GYPE: variants seen among roughly 807,000 people sequenced by gnomAD.
The protein encoded by GYPE is glycophorin-E.
A neutral mutation model predicts 11.6 loss-of-function variants in GYPE; 8 were observed. The observed-to-expected ratio is 0.69, with a 90% confidence interval of 0.41 to 1.25. The LOEUF (loss-of-function observed/expected upper bound fraction) is 1.25. GYPE is among the 50% of genes most tolerant of loss of function. The pLI, the probability that GYPE is intolerant of heterozygous loss-of-function variation, is 0.01. For missense variants in GYPE, 90 were observed against 92.8 expected (o/e 0.97, Z 0.12); for synonymous variants, 28 against 29.6 (o/e 0.94, Z 0.18).
chr4:143,875,849 C>T (rs368989223), intron 3 of GYPE, among the ~76,000 whole-genome samples: 13 of 152,132 alleles, frequency 8.5e-5, no homozygotes, highest in East Asian at 5.8e-4. Context: ...TGGCCCGCAC[C>T]TGTAGTCCCA....
chr4:143,874,872 G>A (rs191444377), intron 3 of GYPE, among the ~76,000 whole-genome samples: 2 of 152,220 alleles, frequency 1.3e-5, no homozygotes, highest in Non-Finnish European at 2.9e-5. Context: ...TCCTACCCCT[G>A]TGCCTGTCAT....
At chr4:143,878,608 G>A (rs1445774406) in intron 2 of GYPE, 2 of 468,876 alleles carry the variant, frequency 4.3e-6, no homozygotes, top group Non-Finnish European at 8.8e-6. Context: ...AAAATGGAAT[G>A]ATTTTGATTC....
intron 1 of GYPE, among the ~76,000 whole-genome samples, chr4:143,889,631 A>C (rs1744329275): frequency 6.6e-6 from 1 of 152,204 alleles, no homozygotes; most frequent in African/African-American, 2.4e-5. Context: ...TCTACTGAGC[A>C]ACTGGGACTA....
At chr4:143,880,076 G>A (rs1447818967) in intron 2 of GYPE, among the ~76,000 whole-genome samples, 15 of 152,270 alleles carry the variant, frequency 9.9e-5, no homozygotes, top group African/African-American at 1.4e-4. Context: ...AGCTGAGCCC[G>A]GGTCTGAGCT....
At chr4:143,902,787 A>C (rs922537467) in intron 1 of GYPE, among the ~76,000 whole-genome samples, 10 of 152,154 alleles carry the variant, frequency 6.6e-5, no homozygotes, top group South Asian at 2.1e-4. Flanking sequence ...TGTTTCCTCC[A>C]ATTAAATTAG....
At chr4:143,883,562 A>T (rs1488717900) in intron 1 of GYPE, among the ~76,000 whole-genome samples, 1 of 144,544 alleles carries the variant, frequency 6.9e-6, no homozygotes, top group Admixed American at 6.9e-5. Flanking sequence ...ATTTATAATT[A>T]TTAATAACAT....
At chr4:143,895,073 G>C (rs1188095083) in intron 1 of GYPE, among the ~76,000 whole-genome samples, 2 of 152,140 alleles carry the variant, frequency 1.3e-5, no homozygotes, top group Non-Finnish European at 2.9e-5. Flanking sequence ...AAAACTGGAA[G>C]CATTCCCTTT....
rs1323580330 is a variant in GYPE at position 143,871,712 on chromosome 4, C to T, written c.*550G>A. 6.6e-6 allele frequency: 1 copy of T among 152,118 alleles called. No individual in the cohort carries two copies. The highest frequency in any genetic ancestry group is 2.4e-5 in the African/African-American group (1 of 41,398). The allele number at this position is 152,118 out of a possible 1,614,324, so 9.4% of individuals were successfully genotyped here. On this transcript the variant is annotated 3_prime_UTR_variant, in exon 4 of 4. Transcript: ENST00000358615. ...GAAAAGCTTACAAAGACTGTAAATG[C>T]CTTCAAGAAGGTGAGAGAAACTAAT...
At chr4:143,876,697 G>C (rs937942852) in intron 3 of GYPE, 49 bp downstream of exon 3, 6 of 887,118 alleles carry the variant, frequency 6.8e-6, no homozygotes, top group Non-Finnish European at 1.1e-5. Context: ...AACCCTCCGA[G>C]AGCTGTTCAC....
intron 1 of GYPE, among the ~76,000 whole-genome samples, chr4:143,900,352 A>G (rs1357410312): frequency 3.2e-5 from 4 of 125,374 alleles, no homozygotes; most frequent in Middle Eastern, 3.5e-3. Context: ...GAAAAGGTCA[A>G]AAGGTGCAGC....
rs1185999546 is a variant in GYPE at position 143,891,331 on chromosome 4, T to C, written c.38-10822A>G. Among the ~76,000 whole-genome samples the C allele has an allele frequency of 1.0e-3, 140 of 136,534 alleles. 1 individual carries two copies. Among genetic ancestry groups the C allele is most frequent in the African/African-American group, 4.2e-3 (136 of 32,624 alleles). The allele number at this position is 136,534 out of a possible 152,430, so 89.6% of individuals were successfully genotyped here. On this transcript the variant is annotated intron_variant, in intron 1 of 3. Transcript: ENST00000358615. ...TATTATTTTGATTTTTTTTGTTTCT[T>C]TTTTTTTTTTTTTTTGAGACAGAGG...
chr4:143,870,988 G>C lies in GYPE; in HGVS notation c.*1274C>G, dbSNP rs982712967. On this transcript the variant is annotated 3_prime_UTR_variant, in exon 4 of 4. Coordinates refer to ENST00000358615, the MANE Select transcript of GYPE (RefSeq NM_198682.3). ...ATCTTTCTTACATAGTGGCAGGAAGGAGAAGAATGAGAGCTGAGTGAAGGG... is the reference window on the plus strand; with the variant it reads ...ATCTTTCTTACATAGTGGCAGGAAGCAGAAGAATGAGAGCTGAGTGAAGGG... The C allele has an allele frequency of 6.6e-6, 1 of 151,748 alleles. No individual in the cohort carries two copies. 9.4% of individuals were successfully genotyped at this position (151,748 alleles called of 1,614,324 possible).
chr4:143,875,194 T>C (rs1050750018), intron 3 of GYPE: 3 of 300,646 alleles, frequency 1.0e-5, no homozygotes, highest in Admixed American at 8.9e-5. Flanking sequence ...ATTCCCCTTC[T>C]GCATGTTCTC....
chr4:143,898,167 A>G (rs1389187926), intron 1 of GYPE, among the ~76,000 whole-genome samples: 1 of 152,184 alleles, frequency 6.6e-6, no homozygotes, highest in Non-Finnish European at 1.5e-5. Context: ...GCCTGAGCTC[A>G]GGAGTTGGAG....
At chr4:143,881,193 A>AAAC (rs200498008) in intron 1 of GYPE, among the ~76,000 whole-genome samples, 16 of 140,074 alleles carry the variant, frequency 1.1e-4, no homozygotes, top group Admixed American at 9.8e-4. Context: ...TCCGTCTCAA[A>AAAC]AAAAAAAAAA....
intron 1 of GYPE, among the ~76,000 whole-genome samples, chr4:143,880,838 G>A (rs1743996579): frequency 6.6e-6 from 1 of 152,154 alleles, no homozygotes; most frequent in Non-Finnish European, 1.5e-5. Flanking sequence ...ATATGTGTAT[G>A]TGGTGTGTGT....
At chr4:143,905,270 G>C (rs141390460) in intron 1 of GYPE, among the ~76,000 whole-genome samples, 1 of 152,020 alleles carries the variant, frequency 6.6e-6, no homozygotes, top group Admixed American at 6.6e-5. Context: ...AACTGGATTC[G>C]GCCATAAATA....
intron 1 of GYPE, among the ~76,000 whole-genome samples, chr4:143,892,093 T>C (rs1220047607): frequency 6.6e-6 from 1 of 152,202 alleles, no homozygotes; most frequent in African/African-American, 2.4e-5. Flanking sequence ...CTAGTTTATT[T>C]GCGTAGAGGT....
intron 1 of GYPE, among the ~76,000 whole-genome samples, chr4:143,891,038 T>G (rs1448938497): frequency 6.6e-6 from 1 of 152,112 alleles, no homozygotes; most frequent in Non-Finnish European, 1.5e-5. Context: ...AAACTTAAGT[T>G]TTTCAAATTG....
Sources: gnomAD v4.1 joint callset for allele counts (sites outside exome capture counted in the v4.1 genomes callset) on GRCh38, gnomAD v4.1.1 for gene constraint, MANE v1.5 for transcripts, NCBI Gene and HGNC (gene_info 2026-07-23, HGNC 2026-07-21) for gene names.